SERPINB10: variants seen among roughly 807,000 people sequenced by gnomAD.
SERPINB10 encodes the protein serpin B10.
SERPINB10 carries 35 observed loss-of-function variants against 39.1 expected under a neutral mutation model. The observed-to-expected ratio is 0.90, with a 90% confidence interval of 0.68 to 1.19. The LOEUF is 1.19. Ranked by LOEUF, SERPINB10 falls within the 50% of genes most tolerant of loss-of-function variation. SERPINB10 has a pLI of 0.00. For missense variants in SERPINB10, 546 were observed against 460.5 expected, an observed-to-expected ratio of 1.19 and a Z score of -1.70; for synonymous variants, 190 against 158.1, an observed-to-expected ratio of 1.20 and a Z score of -1.52.
intron 5 of SERPINB10, among the ~76,000 whole-genome samples, chr18:63,928,922 C>A (rs2050199495): frequency 6.6e-6 from 1 of 151,770 alleles, no homozygotes; most frequent in Non-Finnish European, 1.5e-5. Context: ...AGTTGCTTAT[C>A]AGCTTAAGGA....
Position 63,930,100 on chromosome 18 carries a change from T to G in SERPINB10, c.546T>G (p.Ile182Met). ...CTGTGGATTCCACAACCAGGATGAT[T>G]CTGGTGAACGCCCTATACTTTAAAG... ...DDSVDSTTRM[I>M]LVNALYFKGI... is the part of the protein sequence containing the mutation. The change falls in exon 6 of 8, where the codon ATT becomes ATG. Residue 182 changes from isoleucine (I) to methionine (M), a missense_variant. By Grantham distance (10) the Ile-to-Met change is conservative. Coordinates refer to ENST00000238508, the MANE Select transcript of SERPINB10 (RefSeq NM_005024.3). The G allele has an allele frequency of 6.2e-7, 1 of 1,613,474 alleles. No homozygotes were observed. The highest frequency in any genetic ancestry group is 8.5e-7 in the Non-Finnish European group (1 of 1,179,596).
At chr18:63,929,712 C>CAAAAAA (rs74169990) in intron 5 of SERPINB10, among the ~76,000 whole-genome samples, 49 of 97,306 alleles carry the variant, frequency 5.0e-4, no homozygotes, top group Non-Finnish European at 9.1e-4. Context: ...AGCTAAAGTG[C>CAAAAAA]AAAAAAAAAA....
chr18:63,931,239 C>T (rs1184849898), intron 6 of SERPINB10, among the ~76,000 whole-genome samples: 1 of 152,178 alleles, frequency 6.6e-6, no homozygotes, highest in Non-Finnish European at 1.5e-5. Flanking sequence ...CATTCTCATG[C>T]TGTCTCTTTC....
At chr18:63,929,723 A>G (rs1251662259) in intron 5 of SERPINB10, among the ~76,000 whole-genome samples, 1 of 86,998 alleles carries the variant, frequency 1.1e-5, no homozygotes, top group Non-Finnish European at 2.5e-5. Flanking sequence ...AAAAAAAAAA[A>G]AAAAAAAAAA....
intron 4 of SERPINB10, 89 bp downstream of exon 4, chr18:63,918,191 C>T: frequency 7.3e-7 from 1 of 1,366,798 alleles, no homozygotes; most frequent in Non-Finnish European, 1.0e-6. Flanking sequence ...TTTAGGGATC[C>T]AGGGACAATC....
rs115316425 is a variant in SERPINB10 at position 63,911,454 on chromosome 18, G to C, written c.-10+3414G>C. 7.5e-3 allele frequency among the ~76,000 whole-genome samples: 1,139 copies of C among 151,318 alleles called. 21 individuals carry two copies. Among genetic ancestry groups the C allele is most frequent in the African/African-American group, 0.026 (1,076 of 41,264 alleles). On this transcript the variant is annotated intron_variant, in intron 1 of 7. Coordinates refer to ENST00000238508, the MANE Select transcript of SERPINB10 (RefSeq NM_005024.3). The stretch of plus-strand genomic sequence containing the variant: ...TTTAGTCTATCTTTAGTTAATTTTT[G>C]TACATGTTGAAAAGTAGGGTCTACT...
At chr18:63,916,153 A>G (rs1013047609) in intron 2 of SERPINB10, among the ~76,000 whole-genome samples, 1 of 151,954 alleles carries the variant, frequency 6.6e-6, no homozygotes, top group Non-Finnish European at 1.5e-5. Flanking sequence ...TAAGGAGCCC[A>G]TTAAGATCAT....
chr18:63,932,979 T>C (rs2050233714), intron 6 of SERPINB10, 69 bp from the exon 7 acceptor site: 1 of 1,423,990 alleles, frequency 7.0e-7, no homozygotes, highest in Non-Finnish European at 9.7e-7. Context: ...TGGTAGAGAA[T>C]TAAGGAGTTG....
At chr18:63,923,361 C>A (rs1233256302) in intron 5 of SERPINB10, among the ~76,000 whole-genome samples, 1 of 151,888 alleles carries the variant, frequency 6.6e-6, no homozygotes, top group Non-Finnish European at 1.5e-5. Context: ...TTCCATATGT[C>A]CTTAAGGGAA....
chr18:63,925,033 T>C (rs1284284789), intron 5 of SERPINB10, among the ~76,000 whole-genome samples: 2 of 151,980 alleles, frequency 1.3e-5, no homozygotes, highest in African/African-American at 4.8e-5. Context: ...AATAGAAGAA[T>C]GGATTTGCAA....
At chr18:63,932,391 G>C (rs1005605019) in intron 6 of SERPINB10, among the ~76,000 whole-genome samples, 2 of 152,122 alleles carry the variant, frequency 1.3e-5, no homozygotes, top group Admixed American at 6.5e-5. Flanking sequence ...GACAGTGCCT[G>C]TTGCTTCATA....
At chr18:63,923,544 T>G (rs1373402822) in intron 5 of SERPINB10, among the ~76,000 whole-genome samples, 1 of 151,936 alleles carries the variant, frequency 6.6e-6, no homozygotes, top group Non-Finnish European at 1.5e-5. Flanking sequence ...CCCAGAAGAT[T>G]TTAGAATACT....
In SERPINB10 at chr18:63,935,776, C is replaced by T. The variant is rs1482412152; in HGVS notation, c.*534C>T. 6.6e-6 allele frequency: 1 copy of T among 152,346 alleles called. No individual in the cohort carries two copies. The highest frequency in any genetic ancestry group is 1.5e-5 in the Non-Finnish European group (1 of 68,166). The allele number at this position is 152,346 out of a possible 1,614,324, so 9.4% of individuals were successfully genotyped here. Reference sequence around the variant, plus strand: ...AGTGAGCCAAGATCACACCAGTGCACTCCAACCTGGGCAACAGAGCAAGAC... The same window carrying T: ...AGTGAGCCAAGATCACACCAGTGCATTCCAACCTGGGCAACAGAGCAAGAC... On this transcript the variant is annotated 3_prime_UTR_variant, in exon 8 of 8. Transcript: ENST00000238508.
intron 6 of SERPINB10, among the ~76,000 whole-genome samples, chr18:63,931,025 C>T (rs940230096): frequency 2.0e-5 from 3 of 152,104 alleles, no homozygotes; most frequent in African/African-American, 4.8e-5. Flanking sequence ...AACACATAAT[C>T]GAGTAGGTTA....
At chr18:63,925,110 G>A (rs2050171653) in intron 5 of SERPINB10, among the ~76,000 whole-genome samples, 1 of 151,910 alleles carries the variant, frequency 6.6e-6, no homozygotes. Flanking sequence ...AATCATGAGA[G>A]CCAGGAAAGA....
chr18:63,921,260 TCTC>T (rs1475522249), intron 5 of SERPINB10, among the ~76,000 whole-genome samples: 1 of 151,926 alleles, frequency 6.6e-6, no homozygotes, highest in Non-Finnish European at 1.5e-5. Context: ...TTTGCTGTCT[TCTC>T]CTCTGAACTT....
In SERPINB10 at chr18:63,915,559, A is replaced by G. The variant is rs1304916245; in HGVS notation, c.49A>G (p.Lys17Glu). 6.2e-7 allele frequency: 1 copy of G among 1,612,808 alleles called. No homozygotes were observed. Residue 17 changes from lysine to glutamate, a missense_variant, in exon 2 of 8, where the codon AAA becomes GAA. Transcript: ENST00000238508. ...CAACCAGTTTGCCCTGGAGTTGAGC[A>G]AAAAGCTAGCTGAATCTGCTCAGGG... ...SINQFALELS[K>E]KLAESAQGKN...
At chr18:63,920,054 C>T (rs572747666) in intron 5 of SERPINB10, 149 bp downstream of exon 5, 72 of 454,250 alleles carry the variant, frequency 1.6e-4, no homozygotes, top group African/African-American at 1.4e-3. Context: ...TATTCATGTA[C>T]GTAATTTTTA....
At chr18:63,915,313 C>T (rs892347326) in intron 1 of SERPINB10, among the ~76,000 whole-genome samples, 189 bp from the exon 2 acceptor site, 10 of 152,090 alleles carry the variant, frequency 6.6e-5, no homozygotes, top group African/African-American at 1.4e-4. Context: ...AGGCAATTCC[C>T]GTAAATTCTC....
Sources: allele counts gnomAD v4.1 joint callset (sites outside exome capture counted in the v4.1 genomes callset), GRCh38; gene constraint gnomAD v4.1.1; transcripts MANE v1.5; gene names NCBI Gene and HGNC (gene_info 2026-07-23, HGNC 2026-07-21).